Variants in RNF5 observed in about 807,000 individuals in gnomAD.
RNF5 encodes the protein E3 ubiquitin-protein ligase RNF5.
Under a neutral mutation model 24.4 loss-of-function variants are expected in RNF5, and 16 were observed. That is an observed-to-expected ratio of 0.66 (90% CI 0.44 to 1.00). The LOEUF (loss-of-function observed/expected upper bound fraction) is 1.00, where lower values mean the gene tolerates loss of function less well. Among genes scored for constraint, RNF5 ranks in the 50% least tolerant of loss-of-function variants. The pLI is 0.00. For synonymous variants in RNF5, 64 were observed against 88.5 expected (o/e 0.72, Z 1.55); for missense variants, 185 against 236.7 (o/e 0.78, Z 1.43).
chr6:32,180,143 G>C lies in RNF5; in HGVS notation c.445+17G>C. On this transcript the variant is annotated intron_variant, in intron 5 of 5. Coordinates refer to ENST00000375094, the MANE Select transcript of RNF5 (RefSeq NM_006913.4). ...GGGGTACAGGTAAGAGTCACACTCA[G>C]CTCCCATCAGGGAGCCCTGTGAATC... 1.9e-6 allele frequency: 3 copies of C among 1,612,976 alleles called. No homozygotes were observed. Among genetic ancestry groups the C allele is most frequent in the Non-Finnish European group, 2.5e-6 (3 of 1,179,502 alleles).
rs372355801 is a variant in RNF5 at position 32,179,801 on chromosome 6, G to A, written c.272+38G>A. Reference sequence around the variant, plus strand: ...AGGTGTTGCTTAGGGAAGATTGAAGGCTTCTGCCCTTGGAAAACGGTGTGG... The same window carrying A: ...AGGTGTTGCTTAGGGAAGATTGAAGACTTCTGCCCTTGGAAAACGGTGTGG... On this transcript the variant is annotated intron_variant, in intron 3 of 5. Coordinates refer to ENST00000375094, the MANE Select transcript of RNF5 (RefSeq NM_006913.4). The surrounding 1 kb of genome is among the most constrained non-coding windows in gnomAD (Gnocchi z 5.4). 7 of 1,612,760 alleles carry A rather than the reference G, an allele frequency of 4.3e-6. No homozygotes were observed. Among genetic ancestry groups the A allele is most frequent in the South Asian group, 1.1e-5 (1 of 91,072 alleles).
intron 1 of RNF5, among the ~76,000 whole-genome samples, chr6:32,178,853 C>T (rs949862886): frequency 2.6e-5 from 4 of 151,958 alleles, no homozygotes; most frequent in African/African-American, 9.7e-5. Context: ...TCTTAGGAAC[C>T]AGGAGCTGAG....
chr6:32,179,863 C>T lies in RNF5; in HGVS notation c.273-14C>T. On this transcript the variant is annotated splice_polypyrimidine_tract_variant and intron_variant, in intron 3 of 5. Transcript: ENST00000375094. This position sits in a 1 kb window ranked among gnomAD's most constrained non-coding sequence, Gnocchi z 5.4. ...AGAAAAATCCCTGTTAACTTTCTCT[C>T]TCCACTTCCTCAGATTAAAAACTCC... 3 of 1,614,160 alleles carry T rather than the reference C, an allele frequency of 1.9e-6. No individual in the cohort carries two copies. The highest frequency in any genetic ancestry group is 1.1e-5 in the South Asian group (1 of 91,088).
rs762043377 is a variant in RNF5 at position 32,179,795 on chromosome 6, T to C, written c.272+32T>C. On this transcript the variant is annotated intron_variant, in intron 3 of 5. Transcript: ENST00000375094. The surrounding 1 kb of genome is among the most constrained non-coding windows in gnomAD (Gnocchi z 5.4). Reference sequence around the variant, plus strand: ...GACTGGAGGTGTTGCTTAGGGAAGATTGAAGGCTTCTGCCCTTGGAAAACG... The same window carrying C: ...GACTGGAGGTGTTGCTTAGGGAAGACTGAAGGCTTCTGCCCTTGGAAAACG... The C allele has an allele frequency of 1.3e-4, 202 of 1,613,068 alleles. 1 individual carries two copies. The South Asian group carries it at 2.1e-3, about 17-fold the overall frequency.
Position 32,179,970 on chromosome 6 carries a change from AT to A in RNF5, c.328-36del. 6.2e-7 allele frequency: 1 copy of A among 1,614,170 alleles called. No individual in the cohort carries two copies. Among genetic ancestry groups the A allele is most frequent in the Non-Finnish European group, 8.5e-7 (1 of 1,180,016 alleles). On this transcript the variant is annotated intron_variant, in intron 4 of 5. Transcript: ENST00000375094. The surrounding 1 kb of genome is among the most constrained non-coding windows in gnomAD (Gnocchi z 5.4). The stretch of plus-strand genomic sequence containing the variant: ...TCCAGTTGTGTCCCTTCCTTGACAG[AT>A]TTGCCGGCTTCCTGTCTGACTTTTT...
At position 32,180,477 on chromosome 6, in the gene RNF5, G is replaced by A. The variant is rs895266293; in HGVS notation, c.*151G>A. The stretch of plus-strand genomic sequence containing the variant: ...ATTGTCCAGGAAGGCCTGGGGAGGA[G>A]GAGTGAAGTCTGTGCATAGATGGGA... On this transcript the variant is annotated 3_prime_UTR_variant, in exon 6 of 6. Transcript: ENST00000375094. The A allele has an allele frequency of 3.1e-5, 21 of 681,660 alleles. No individual in the cohort carries two copies. Among genetic ancestry groups the A allele is most frequent in the Non-Finnish European group, 4.6e-5 (18 of 391,858 alleles). The allele number at this position is 681,660 out of a possible 1,614,324, so 42.2% of individuals were successfully genotyped here.
In RNF5 at chr6:32,179,914, G is replaced by A. The variant is rs151021379; in HGVS notation, c.310G>A (p.Ala104Thr). ...ACCCCGCCCCCAGGGCCAGAGACCA[G>A]CTCCGGAGAGCAGAGGGGTGAGTCT... ...TPPRPQGQRP[A>T]PESRGGFQPF... The change falls in exon 4 of 6, where the codon GCT (alanine) becomes ACT (threonine). Residue 104 changes from alanine (A) to threonine (T), a missense_variant. Ala to Thr is a moderately conservative substitution (Grantham distance 58). Coordinates refer to ENST00000375094, the MANE Select transcript of RNF5 (RefSeq NM_006913.4). This position sits in a 1 kb window ranked among gnomAD's most constrained non-coding sequence, Gnocchi z 5.4. 8.9e-4 allele frequency: 1,433 copies of A among 1,614,208 alleles called. 25 individuals carry two copies. The Admixed American group carries it at 0.015, about 17-fold the overall frequency.
chr6:32,178,649 C>T lies in RNF5; in HGVS notation c.138C>T (p.Tyr46=), dbSNP rs138854481. The change falls in exon 1 of 6, where the codon TAC becomes TAT. Residue 46 remains tyrosine, a splice_region_variant and synonymous_variant. Coordinates refer to ENST00000375094, the MANE Select transcript of RNF5 (RefSeq NM_006913.4). ...TGGTCAGTGTGTGTGGCCACCTGTACTGGTGAGAATCGAGGAGGGGGGCGG... is the reference window on the plus strand; with the variant it reads ...TGGTCAGTGTGTGTGGCCACCTGTATTGGTGAGAATCGAGGAGGGGGGCGG... ...EAVVSVCGHL[Y]CWPCLHQWLE... The T allele has an allele frequency of 5.0e-6, 8 of 1,609,834 alleles. No homozygotes were observed. In the African/African-American group the frequency reaches 9.4e-5, roughly 19 times the overall value.
At position 32,179,410 on chromosome 6, in the gene RNF5, T is replaced by G. The variant is rs1381841582; in HGVS notation, c.141-131T>G. On this transcript the variant is annotated intron_variant, in intron 1 of 5. Transcript: ENST00000375094. This position sits in a 1 kb window ranked among gnomAD's most constrained non-coding sequence, Gnocchi z 5.4. ...CTAAGTTGGCTGGCATGGTAGAGGT[T>G]GCAGAAAATCTGAAAAGCAACAGCA... 1 of 1,098,548 alleles carries G rather than the reference T, an allele frequency of 9.1e-7. No homozygotes were observed. Among genetic ancestry groups the G allele is most frequent in the African/African-American group, 1.6e-5 (1 of 63,692 alleles). 68.1% of individuals were successfully genotyped at this position (1,098,548 alleles called of 1,614,324 possible).
At position 32,180,360 on chromosome 6, in the gene RNF5, G is replaced by A. The variant is rs750575471; in HGVS notation, c.*34G>A. 6.3e-7 allele frequency: 1 copy of A among 1,580,130 alleles called. No individual in the cohort carries two copies. The highest frequency in any genetic ancestry group is 1.7e-5 in the Admixed American group (1 of 60,006). On this transcript the variant is annotated 3_prime_UTR_variant, in exon 6 of 6. Transcript: ENST00000375094. ...TGCTTCCTGCCCACCTCCAGCCAGA[G>A]AAGAATCAGTATTGAGGGTCCCTGC...
At position 32,178,533 on chromosome 6, in the gene RNF5, G is replaced by A. The variant is rs1265432871; in HGVS notation, c.22G>A (p.Asp8Asn). 1 of 1,606,882 alleles carries A rather than the reference G, an allele frequency of 6.2e-7. No individual in the cohort carries two copies. Among genetic ancestry groups the A allele is most frequent in the Non-Finnish European group, 8.5e-7 (1 of 1,177,284 alleles). Residue 8 changes from aspartate to asparagine, a missense_variant, in exon 1 of 6, where the codon GAC becomes AAC. Asp to Asn is a conservative substitution (Grantham distance 23). Transcript: ENST00000375094. ...GGCCATGGCAGCAGCGGAGGAGGAGGACGGGGGCCCCGAAGGGCCAAATCG... is the reference window on the plus strand; with the variant it reads ...GGCCATGGCAGCAGCGGAGGAGGAGAACGGGGGCCCCGAAGGGCCAAATCG... Reference protein sequence around the residue: MAAAEEEDGGPEGPNRER... With the variant: MAAAEEENGGPEGPNRER...
intron 1 of RNF5, 144 bp downstream of exon 1, chr6:32,178,795 G>T: frequency 1.3e-6 from 1 of 777,624 alleles, no homozygotes; most frequent in Non-Finnish European, 2.0e-6. Flanking sequence ...AGACTTTGCT[G>T]GTATGTGTGG....
chr6:32,180,155 G>A, intron 5 of RNF5, 29 bp downstream of exon 5: 2 of 1,612,304 alleles, frequency 1.2e-6, no homozygotes, highest in East Asian at 2.2e-5. Context: ...TCCCATCAGG[G>A]AGCCCTGTGA....
rs1786019839 is a variant in RNF5, at chr6:32,180,639, G to A, written c.*313G>A. ...ATTTCTTGATTTGATCTTCAAAGGT[G>A]GGCAAAGTTCCCTCTGACTCTTCCC... On this transcript the variant is annotated 3_prime_UTR_variant, in exon 6 of 6. Coordinates refer to ENST00000375094, the MANE Select transcript of RNF5 (RefSeq NM_006913.4). 3 of 429,016 alleles carry A rather than the reference G, an allele frequency of 7.0e-6. No individual in the cohort carries two copies. The highest frequency in any genetic ancestry group is 1.2e-5 in the Non-Finnish European group (3 of 241,046). The allele number at this position is 429,016 out of a possible 1,614,324, so 26.6% of individuals were successfully genotyped here. A position where few individuals can be genotyped will look rare whatever the true frequency, so the allele number is the denominator to read the frequency against.
At position 32,178,782 on chromosome 6, in the gene RNF5, A is replaced by T. The variant is rs57301060; in HGVS notation, c.140+131A>T. 9 of 896,458 alleles carry T rather than the reference A, an allele frequency of 1.0e-5. No individual in the cohort carries two copies. In the East Asian group the frequency reaches 2.4e-4, roughly 24 times the overall value. 55.5% of individuals were successfully genotyped at this position (896,458 alleles called of 1,614,324 possible). ...CCATAGGTGAAGCCCGACAGGAGAC[A>T]TAAGACTTTGCTGGTATGTGTGGGT... On this transcript the variant is annotated intron_variant, in intron 1 of 5. Transcript: ENST00000375094.
rs1785779985 is a variant in RNF5, at chr6:32,178,456, G to C, written c.-56G>C. Reference sequence around the variant, plus strand: ...GAGGTGGTTTCTGGTTTGTTGGGGCGTGTGTATGTGTATTTGGGGGGACTG... The same window carrying C: ...GAGGTGGTTTCTGGTTTGTTGGGGCCTGTGTATGTGTATTTGGGGGGACTG... On this transcript the variant is annotated 5_prime_UTR_variant, in exon 1 of 6. Transcript: ENST00000375094. 2.8e-6 allele frequency: 4 copies of C among 1,439,886 alleles called. No individual in the cohort carries two copies. The East Asian group carries it at 7.3e-5, about 26-fold the overall frequency. The allele number at this position is 1,439,886 out of a possible 1,614,324, so 89.2% of individuals were successfully genotyped here.
At chr6:32,178,847 A>C (rs747442556) in intron 1 of RNF5, among the ~76,000 whole-genome samples, 196 bp downstream of exon 1, 6 of 152,166 alleles carry the variant, frequency 3.9e-5, no homozygotes, top group Non-Finnish European at 5.9e-5. Flanking sequence ...GAAAGGTCTT[A>C]GGAACCAGGA....
chr6:32,179,636 C>CT lies in RNF5; in HGVS notation c.160-9dup, dbSNP rs1785911326. On this transcript the variant is annotated splice_polypyrimidine_tract_variant and intron_variant, in intron 2 of 5. Coordinates refer to ENST00000375094, the MANE Select transcript of RNF5 (RefSeq NM_006913.4). The surrounding 1 kb of genome is among the most constrained non-coding windows in gnomAD (Gnocchi z 5.4). ...GACCCTCTTGTATACTGGAAACCAC[C>CT]TTTTTTCTCCCCAGTGGCTGGAGAC... The CT allele has an allele frequency of 8.7e-6, 14 of 1,613,852 alleles. No homozygotes were observed. Among genetic ancestry groups the CT allele is most frequent in the Non-Finnish European group, 1.2e-5 (14 of 1,179,930 alleles).
Position 32,179,506 on chromosome 6 carries a change from A to C in RNF5, c.141-35A>C. The C allele has an allele frequency of 6.2e-7, 1 of 1,608,730 alleles. No homozygotes were observed. Among genetic ancestry groups the C allele is most frequent in the Non-Finnish European group, 8.5e-7 (1 of 1,177,300 alleles). ...GTCTGTGTCTCTCTTTTCTGTAGCT[A>C]GTTTGACCTTTTTTTTTTTTTCTCC... On this transcript the variant is annotated intron_variant, in intron 1 of 5. Transcript: ENST00000375094. The surrounding 1 kb of genome is among the most constrained non-coding windows in gnomAD (Gnocchi z 5.4).
Sources: allele counts gnomAD v4.1 joint callset (sites outside exome capture counted in the v4.1 genomes callset), GRCh38; gene constraint gnomAD v4.1.1; non-coding constraint Gnocchi (gnomAD v3.1); transcripts MANE v1.5; gene names NCBI Gene and HGNC (gene_info 2026-07-23, HGNC 2026-07-21).